The following EPHB2 variants were observed in gnomAD, a reference collection of about 807,000 sequenced individuals.
EPHB2 encodes EPH receptor B2.
Under a neutral mutation model 96.4 loss-of-function variants are expected in EPHB2, and 18 were observed. The ratio of observed to expected loss-of-function variants is 0.19; its 90% CI spans 0.13 to 0.28. The LOEUF (loss-of-function observed/expected upper bound fraction) is 0.28. Ranked by LOEUF, EPHB2 falls within the 10% of genes least tolerant of loss-of-function variation. EPHB2 has a pLI of 1.00. For synonymous variants in EPHB2, 506 were observed against 534.1 expected, an observed-to-expected ratio of 0.95 and a Z score of 0.72; for missense variants, 989 against 1,355.4, an observed-to-expected ratio of 0.73 and a Z score of 4.25.
intron 1 of EPHB2, among the ~76,000 whole-genome samples, chr1:22,749,594 G>A (rs1204238222): frequency 6.6e-6 from 1 of 152,180 alleles, no homozygotes; most frequent in Non-Finnish European, 1.5e-5. Flanking sequence ...CATTGCCAGG[G>A]GAGCTGTCCC....
In EPHB2 at chr1:22,901,839, G is replaced by T. The variant is rs148003708; in HGVS notation, c.1766-4148G>T. Reference sequence around the variant, plus strand: ...TGTGTGAGTGTGTGTGTGTGTGTGTGTGTGTGTAACAGGGTCTCACTTTGT... The same window carrying T: ...TGTGTGAGTGTGTGTGTGTGTGTGTTTGTGTGTAACAGGGTCTCACTTTGT... On this transcript the variant is annotated intron_variant, in intron 9 of 15. Transcript: ENST00000374630. Among the ~76,000 whole-genome samples the T allele has an allele frequency of 2.1e-3, 321 of 152,046 alleles. 1 individual carries two copies. The highest frequency in any genetic ancestry group is 7.4e-3 in the African/African-American group (306 of 41,438).
Position 22,915,393 on chromosome 1 carries a change from G to C in EPHB2, c.*1823G>C, listed in dbSNP as rs925065737. 7.9e-5 allele frequency: 12 copies of C among 152,220 alleles called. No individual in the cohort carries two copies. The highest frequency in any genetic ancestry group is 2.4e-4 in the African/African-American group (10 of 41,450). 9.4% of individuals were successfully genotyped at this position (152,220 alleles called of 1,614,324 possible). A position where few individuals can be genotyped will look rare whatever the true frequency, so the allele number is the denominator to read the frequency against. ...CCCTTGGGATGCACGTGACCCAGGT[G>C]CTAAGGGTTGCTCTTCTAAGCAGCC... On this transcript the variant is annotated 3_prime_UTR_variant, in exon 16 of 16. Coordinates refer to ENST00000374630, the MANE Select transcript of EPHB2 (RefSeq NM_017449.5).
chr1:22,732,545 A>C (rs1010873246), intron 1 of EPHB2, among the ~76,000 whole-genome samples: 2 of 152,202 alleles, frequency 1.3e-5, no homozygotes, highest in African/African-American at 4.8e-5. Flanking sequence ...GCGCGTGTGC[A>C]CACAGATATA....
intron 3 of EPHB2, among the ~76,000 whole-genome samples, chr1:22,829,726 G>A (rs1645276127): frequency 6.6e-6 from 1 of 152,160 alleles, no homozygotes; most frequent in South Asian, 2.1e-4. Context: ...GGATGGTGGG[G>A]ATGGCCAGGG....
At chr1:22,763,350 C>T (rs1383707715) in intron 1 of EPHB2, among the ~76,000 whole-genome samples, 1 of 152,144 alleles carries the variant, frequency 6.6e-6, no homozygotes, top group Non-Finnish European at 1.5e-5. Flanking sequence ...CCCCTGAGAG[C>T]ACCAGCCCAC....
intron 3 of EPHB2, among the ~76,000 whole-genome samples, chr1:22,787,831 C>T (rs1644634140): frequency 6.6e-6 from 1 of 152,192 alleles, no homozygotes; most frequent in Admixed American, 6.5e-5. Flanking sequence ...CTCAGATTTT[C>T]CCATGAGGTT....
At position 22,790,710 on chromosome 1, in the gene EPHB2, G is replaced by A. The variant is rs138759922; in HGVS notation, c.811+5634G>A. 2.3e-3 allele frequency among the ~76,000 whole-genome samples: 344 copies of A among 152,374 alleles called. 2 individuals carry two copies. The highest frequency in any genetic ancestry group is 8.1e-3 in the African/African-American group (337 of 41,586). ...CAGTGGCCAACCCGCATCTGCGAGG[G>A]ATCTGGAGGCAGTTCCGCAGTGAGC... On this transcript the variant is annotated intron_variant, in intron 3 of 15. Coordinates refer to ENST00000374630, the MANE Select transcript of EPHB2 (RefSeq NM_017449.5). The surrounding 1 kb of genome is among the most constrained non-coding windows in gnomAD (Gnocchi z 4.0).
At chr1:22,887,294 C>T (rs1363476588) in intron 6 of EPHB2, among the ~76,000 whole-genome samples, 1 of 152,136 alleles carries the variant, frequency 6.6e-6, no homozygotes, top group African/African-American at 2.4e-5. Flanking sequence ...GACAGCTAGG[C>T]TGCAGGTGGT....
rs1435456008 is a variant in EPHB2 at position 22,917,410 on chromosome 1, T to C, written c.*3840T>C. 2.0e-5 allele frequency: 3 copies of C among 152,246 alleles called. No homozygotes were observed. Among genetic ancestry groups the C allele is most frequent in the Non-Finnish European group, 4.4e-5 (3 of 68,070 alleles). The allele number at this position is 152,246 out of a possible 1,614,324, so 9.4% of individuals were successfully genotyped here. On this transcript the variant is annotated 3_prime_UTR_variant, in exon 16 of 16. Transcript: ENST00000374630. ...GTTGTTTGAAGATGGTACCAAAGGC[T>C]GGAAGACTCTTGCTAGGGAAGATAA...
At chr1:22,831,977 A>G (rs1469931296) in intron 3 of EPHB2, among the ~76,000 whole-genome samples, 1 of 152,182 alleles carries the variant, frequency 6.6e-6, no homozygotes, top group African/African-American at 2.4e-5. Flanking sequence ...AGGGAGGGGT[A>G]CTGGGGAGAG....
chr1:22,855,599 AG>A (rs1039691016), intron 3 of EPHB2, among the ~76,000 whole-genome samples: 58 of 152,382 alleles, frequency 3.8e-4, no homozygotes, highest in African/African-American at 1.4e-3. Flanking sequence ...TCTGAAGACA[AG>A]GACTATGTCT....
intron 1 of EPHB2, chr1:22,774,769 G>A (rs1403700249): frequency 1.1e-5 from 3 of 279,624 alleles, no homozygotes; most frequent in Non-Finnish European, 1.6e-5. Flanking sequence ...GCTGCTGTGT[G>A]GAGGTTGGAT....
intron 7 of EPHB2, 33 bp downstream of exon 7, chr1:22,893,079 C>T (rs2148567105): frequency 6.2e-7 from 1 of 1,613,966 alleles, no homozygotes; most frequent in Non-Finnish European, 8.5e-7. Context: ...GAGGAGGGCA[C>T]AGACTCCACA....
intron 9 of EPHB2, among the ~76,000 whole-genome samples, 168 bp downstream of exon 9, chr1:22,896,646 G>A (rs190098157): frequency 4.6e-5 from 7 of 152,230 alleles, no homozygotes; most frequent in East Asian, 1.9e-4. Context: ...TTGCAAGTGC[G>A]GTTCCCTCTG....
intron 3 of EPHB2, among the ~76,000 whole-genome samples, chr1:22,837,497 C>T (rs1396011461): frequency 6.6e-6 from 1 of 152,094 alleles, no homozygotes; most frequent in Non-Finnish European, 1.5e-5. Context: ...AGAATTTGGG[C>T]CCATTTTACA....
In EPHB2 at chr1:22,913,161, C is replaced by T; in HGVS notation, c.2853-301C>T. The T allele has an allele frequency of 2.2e-6, 1 of 454,990 alleles. No individual in the cohort carries two copies. The highest frequency in any genetic ancestry group is 4.1e-6 in the Non-Finnish European group (1 of 244,770). The allele number at this position is 454,990 out of a possible 1,614,324, so 28.2% of individuals were successfully genotyped here. On this transcript the variant is annotated intron_variant, in intron 15 of 15. Coordinates refer to ENST00000374630, the MANE Select transcript of EPHB2 (RefSeq NM_017449.5). The surrounding 1 kb of genome is among the most constrained non-coding windows in gnomAD (Gnocchi z 4.1). ...TGAGCTGAGATCACGCCACTGCACA[C>T]CAGCCTGGGTGACAGAGCGAGACTC...
At chr1:22,798,365 A>T (rs142866203) in intron 3 of EPHB2, among the ~76,000 whole-genome samples, 35 of 152,246 alleles carry the variant, frequency 2.3e-4, no homozygotes, top group African/African-American at 7.7e-4. Flanking sequence ...CTAAGCACGG[A>T]TGGAGACTCC....
intron 3 of EPHB2, among the ~76,000 whole-genome samples, chr1:22,842,460 T>C (rs923005465): frequency 1.3e-5 from 2 of 152,022 alleles, no homozygotes; most frequent in African/African-American, 4.8e-5. Flanking sequence ...TGTCCATCCA[T>C]AGTCATCCGT....
chr1:22,732,649 C>T (rs1643743801), intron 1 of EPHB2, among the ~76,000 whole-genome samples: 1 of 152,194 alleles, frequency 6.6e-6, no homozygotes, highest in South Asian at 2.1e-4. Flanking sequence ...TATTTAGGGA[C>T]TGCCCCCCGG....
Sources: gnomAD v4.1 joint callset for allele counts (sites outside exome capture counted in the v4.1 genomes callset) on GRCh38, gnomAD v4.1.1 for gene constraint, Gnocchi (gnomAD v3.1) non-coding constraint, MANE v1.5 for transcripts, NCBI Gene and HGNC (gene_info 2026-07-23, HGNC 2026-07-21) for gene names.